ZFPM2: variants seen among roughly 807,000 people sequenced by gnomAD.
ZFPM2 encodes zinc finger protein ZFPM2.
ZFPM2 carries 20 observed loss-of-function variants against 98.6 expected under a neutral mutation model. The ratio of observed to expected loss-of-function variants is 0.20; its 90% confidence interval spans 0.14 to 0.29. The LOEUF (loss-of-function observed/expected upper bound fraction) is 0.29. Among genes scored for constraint, ZFPM2 ranks in the 10% least tolerant of loss-of-function variants. The probability of loss-of-function intolerance (pLI) is 1.00; values close to 1 mark genes in which losing one functional copy is unlikely to be tolerated. For synonymous variants in ZFPM2, 518 were observed against 502.7 expected (o/e 1.03, Z -0.41); for missense variants, 1,310 against 1,388.6 (o/e 0.94, Z 0.90).
At chr8:105,676,665 T>A (rs1344131492) in intron 5 of ZFPM2, among the ~76,000 whole-genome samples, 1 of 151,974 alleles carries the variant, frequency 6.6e-6, no homozygotes, top group Non-Finnish European at 1.5e-5. Context: ...AAGAGCAATA[T>A]TTGAAAATAC....
intron 3 of ZFPM2, among the ~76,000 whole-genome samples, chr8:105,514,244 C>G (rs1472907546): frequency 1.3e-5 from 2 of 151,146 alleles, no homozygotes; most frequent in African/African-American, 4.9e-5. Flanking sequence ...CTGAAGCTAT[C>G]CACCTGCCTT....
chr8:105,501,019 A>G (rs1384470105), intron 3 of ZFPM2, among the ~76,000 whole-genome samples: 1 of 152,242 alleles, frequency 6.6e-6, no homozygotes, highest in Non-Finnish European at 1.5e-5. Flanking sequence ...TTTTTTAAAT[A>G]CAAATTATCA....
chr8:105,448,806 A>G (rs1586380723), intron 3 of ZFPM2, among the ~76,000 whole-genome samples: 1 of 152,176 alleles, frequency 6.6e-6, no homozygotes, highest in Middle Eastern at 3.4e-3. Context: ...AGAACTTGGG[A>G]GAGAATAGGA....
chr8:105,483,002 C>CCTTCCTTCCTTCCTTCCTTCCTTCCTTT (rs1813154223), intron 3 of ZFPM2, among the ~76,000 whole-genome samples: 2 of 109,748 alleles, frequency 1.8e-5, no homozygotes, highest in African/African-American at 7.2e-5. Context: ...TCCTTTCCTT[C>CCTTCCTTCCTTCCTTCCTTCCTTCCTTT]CTTCCTTCCT....
At chr8:105,642,272 A>G (rs990963167) in intron 5 of ZFPM2, among the ~76,000 whole-genome samples, 1 of 152,164 alleles carries the variant, frequency 6.6e-6, no homozygotes, top group African/African-American at 2.4e-5. Context: ...TAACATGATT[A>G]TGCTTAAAAA....
Position 105,318,797 on chromosome 8 carries a change from A to G in ZFPM2, c.-145A>G, listed in dbSNP as rs1811956806. On this transcript the variant is annotated 5_prime_UTR_variant, in exon 1 of 8. Transcript: ENST00000407775. ...GAATCCGCGGCTCCCGGAGGAGCCC[A>G]GCGCCCGGAGCACCTGGAGTCCGGC... 2 of 250,286 alleles carry G rather than the reference A, an allele frequency of 8.0e-6. No homozygotes were observed. The highest frequency in any genetic ancestry group is 1.2e-5 in the Non-Finnish European group (2 of 160,120). 15.5% of individuals were successfully genotyped at this position (250,286 alleles called of 1,614,324 possible).
chr8:105,647,661 AATG>A (rs1201563879), intron 5 of ZFPM2, among the ~76,000 whole-genome samples: 3 of 152,156 alleles, frequency 2.0e-5, no homozygotes, highest in South Asian at 2.1e-4. Flanking sequence ...GTTTGCTGAG[AATG>A]ATGATTTCCA....
intron 3 of ZFPM2, among the ~76,000 whole-genome samples, chr8:105,509,507 G>C (rs546169288): frequency 1.3e-5 from 2 of 152,276 alleles, no homozygotes; most frequent in East Asian, 3.9e-4. Context: ...AAATGTACTT[G>C]CAGTGACCCA....
intron 4 of ZFPM2, among the ~76,000 whole-genome samples, chr8:105,628,170 C>T (rs1816693542): frequency 1.3e-5 from 2 of 152,150 alleles, no homozygotes; most frequent in Admixed American, 1.3e-4. Flanking sequence ...GTTCAGAACA[C>T]TTAAGTGGTT....
At chr8:105,480,696 T>C (rs1453606543) in intron 3 of ZFPM2, among the ~76,000 whole-genome samples, 2 of 151,552 alleles carry the variant, frequency 1.3e-5, no homozygotes, top group Non-Finnish European at 2.9e-5. Flanking sequence ...TTTTAAGTTA[T>C]AACTGCAGGC....
chr8:105,337,900 T>A (rs959572329), intron 1 of ZFPM2, among the ~76,000 whole-genome samples: 2 of 151,724 alleles, frequency 1.3e-5, no homozygotes, highest in Non-Finnish European at 3.0e-5. Flanking sequence ...ATGATAATGG[T>A]CATGTAAATG....
At chr8:105,335,655 A>G (rs1812312825) in intron 1 of ZFPM2, among the ~76,000 whole-genome samples, 2 of 151,804 alleles carry the variant, frequency 1.3e-5, no homozygotes, top group Non-Finnish European at 2.9e-5. Context: ...TTGAAAAGCT[A>G]CAAGTGGTTT....
chr8:105,741,103 A>G (rs142244805), intron 5 of ZFPM2, among the ~76,000 whole-genome samples: 82 of 152,196 alleles, frequency 5.4e-4, no homozygotes, highest in African/African-American at 1.8e-3. Flanking sequence ...AGAGCAAAGA[A>G]AATTGAAGAG....
chr8:105,597,728 C>T (rs1219278809), intron 4 of ZFPM2, among the ~76,000 whole-genome samples: 1 of 152,062 alleles, frequency 6.6e-6, no homozygotes, highest in Non-Finnish European at 1.5e-5. Flanking sequence ...CTCCCTTCTC[C>T]TAAGTTACTA....
intron 6 of ZFPM2, among the ~76,000 whole-genome samples, chr8:105,796,217 C>T (rs988258783): frequency 1.3e-5 from 2 of 151,038 alleles, no homozygotes; most frequent in African/African-American, 4.9e-5. Flanking sequence ...ATAACATGGC[C>T]CAACCTGAAT....
intron 5 of ZFPM2, among the ~76,000 whole-genome samples, chr8:105,710,122 A>T (rs1373496164): frequency 2.0e-5 from 3 of 150,552 alleles, no homozygotes; most frequent in Non-Finnish European, 4.4e-5. Flanking sequence ...AAGCATTCTT[A>T]GTTCAACTGA....
chr8:105,701,073 A>G (rs2130956912), intron 5 of ZFPM2, among the ~76,000 whole-genome samples: 1 of 152,290 alleles, frequency 6.6e-6, no homozygotes, highest in Non-Finnish European at 1.5e-5. Flanking sequence ...TATCAATAAC[A>G]TTTTGGATTG....
intron 3 of ZFPM2, among the ~76,000 whole-genome samples, chr8:105,543,651 A>T (rs1354865280): frequency 6.6e-6 from 1 of 152,098 alleles, no homozygotes; most frequent in Non-Finnish European, 1.5e-5. Flanking sequence ...TTCATTTATT[A>T]CTTTCATGTC....
At chr8:105,550,171 G>C (rs1814818085) in intron 3 of ZFPM2, among the ~76,000 whole-genome samples, 1 of 151,556 alleles carries the variant, frequency 6.6e-6, no homozygotes, top group African/African-American at 2.4e-5. Context: ...GCCCTGTGAT[G>C]CTTTCACAGT....
Sources: gnomAD v4.1 joint callset for allele counts (sites outside exome capture counted in the v4.1 genomes callset) on GRCh38, gnomAD v4.1.1 for gene constraint, MANE v1.5 for transcripts, NCBI Gene and HGNC (gene_info 2026-07-23, HGNC 2026-07-21) for gene names.